Variants in AK5 observed in about 807,000 individuals in gnomAD.
The protein encoded by AK5 is adenylate kinase isoenzyme 5.
A neutral mutation model predicts 69.5 loss-of-function variants in AK5; 27 were observed. The ratio of observed to expected loss-of-function variants is 0.39; its 90% confidence interval spans 0.29 to 0.54. The LOEUF (loss-of-function observed/expected upper bound fraction) is 0.54, where lower values mean the gene tolerates loss of function less well. Among genes scored for constraint, AK5 ranks in the 20% least tolerant of loss-of-function variants. The probability of loss-of-function intolerance (pLI) is 0.71; values close to 1 mark genes in which losing one functional copy is unlikely to be tolerated. For synonymous variants in AK5, 260 were observed against 244.4 expected (o/e 1.06, Z -0.60); for missense variants, 531 against 700.4 (o/e 0.76, Z 2.73).
chr1:77,320,383 A>G (rs1404087523), intron 5 of AK5, among the ~76,000 whole-genome samples: 1 of 152,242 alleles, frequency 6.6e-6, no homozygotes, highest in African/African-American at 2.4e-5. Context: ...GTGGGTAGAA[A>G]TAAGCATACT....
At chr1:77,480,896 G>A (rs576764711) in intron 8 of AK5, among the ~76,000 whole-genome samples, 22 of 152,344 alleles carry the variant, frequency 1.4e-4, no homozygotes, top group Middle Eastern at 3.4e-3. Context: ...GAATTCTCAT[G>A]CAAGTGCATT....
intron 6 of AK5, among the ~76,000 whole-genome samples, chr1:77,343,261 A>T (rs1286883656): frequency 6.6e-6 from 1 of 152,152 alleles, no homozygotes; most frequent in African/African-American, 2.4e-5. Context: ...CTCTGCACAA[A>T]GTTCTTAAGG....
At chr1:77,303,367 A>G (rs1189895415) in intron 5 of AK5, among the ~76,000 whole-genome samples, 1 of 152,256 alleles carries the variant, frequency 6.6e-6, no homozygotes, top group Non-Finnish European at 1.5e-5. Context: ...ATTTTAAAAT[A>G]TTTGTTAAGT....
At chr1:77,527,825 C>T (rs1171339518) in intron 12 of AK5, among the ~76,000 whole-genome samples, 1 of 152,104 alleles carries the variant, frequency 6.6e-6, no homozygotes. Context: ...TTTGGGAGGC[C>T]GAGGCGGGCA....
chr1:77,356,141 G>A (rs2100424115), intron 6 of AK5, among the ~76,000 whole-genome samples: 1 of 152,030 alleles, frequency 6.6e-6, no homozygotes, highest in Non-Finnish European at 1.5e-5. Context: ...GACATTTTTT[G>A]CTTCTACACT....
At chr1:77,341,202 A>G (rs937064939) in intron 6 of AK5, among the ~76,000 whole-genome samples, 1 of 152,232 alleles carries the variant, frequency 6.6e-6, no homozygotes, top group Non-Finnish European at 1.5e-5. Flanking sequence ...CTGAATCATT[A>G]GTTTGTACAG....
intron 2 of AK5, among the ~76,000 whole-genome samples, chr1:77,289,862 C>CAAAAAAA (rs55819317): frequency 6.2e-5 from 4 of 64,700 alleles, no homozygotes; most frequent in African/African-American, 1.3e-4. Flanking sequence ...GACTCCGTCT[C>CAAAAAAA]AAAAAAAAAA....
chr1:77,291,879 A>G (rs1658707011), intron 2 of AK5, among the ~76,000 whole-genome samples: 1 of 152,236 alleles, frequency 6.6e-6, no homozygotes, highest in Non-Finnish European at 1.5e-5. Flanking sequence ...GAGACTCACT[A>G]GGAGGCTGCA....
intron 8 of AK5, among the ~76,000 whole-genome samples, chr1:77,472,996 A>G (rs958628022): frequency 2.0e-5 from 3 of 152,098 alleles, no homozygotes; most frequent in Non-Finnish European, 2.9e-5. Context: ...ATAATCCAGG[A>G]TGATCTTCCC....
chr1:77,533,528 A>C (rs1008617336), intron 12 of AK5, among the ~76,000 whole-genome samples: 6 of 151,052 alleles, frequency 4.0e-5, no homozygotes, highest in African/African-American at 1.2e-4. Context: ...AAAAAAAAAA[A>C]AAAAAAACAG....
At chr1:77,500,609 C>T (rs749426758) in intron 10 of AK5, among the ~76,000 whole-genome samples, 1 of 152,066 alleles carries the variant, frequency 6.6e-6, no homozygotes, top group Non-Finnish European at 1.5e-5. Flanking sequence ...ATGGTGAAAC[C>T]CCGTCTCTAC....
intron 8 of AK5, among the ~76,000 whole-genome samples, chr1:77,443,780 CTAATT>C (rs1398373021): frequency 6.9e-6 from 1 of 145,592 alleles, no homozygotes; most frequent in Non-Finnish European, 1.5e-5. Flanking sequence ...ATATTTTTTT[CTAATT>C]TATTTTTTAA....
At chr1:77,334,065 C>T (rs947258516) in intron 5 of AK5, among the ~76,000 whole-genome samples, 3 of 152,110 alleles carry the variant, frequency 2.0e-5, no homozygotes, top group Non-Finnish European at 4.4e-5. Context: ...TTCTTCTGGG[C>T]CAACTTTCTA....
intron 13 of AK5, 114 bp downstream of exon 13, chr1:77,536,152 T>G: frequency 2.5e-6 from 3 of 1,205,108 alleles, no homozygotes; most frequent in East Asian, 2.6e-5. Flanking sequence ...ATTAGAACTC[T>G]GTGCAGCTGC....
intron 1 of AK5, among the ~76,000 whole-genome samples, chr1:77,286,556 G>A (rs1658362689): frequency 6.6e-6 from 1 of 151,908 alleles, no homozygotes; most frequent in Admixed American, 6.6e-5. Context: ...TTTTAACAAA[G>A]GTGGGTGGGG....
intron 6 of AK5, among the ~76,000 whole-genome samples, chr1:77,391,414 TATATATGTATATATATACATATATAC>T (rs1197755835): frequency 1.5e-5 from 2 of 129,056 alleles, no homozygotes; most frequent in East Asian, 4.4e-4. Flanking sequence ...TACACACACA[TATATATGTATATATATACATATATAC>T]ATATATGTGT....
intron 10 of AK5, among the ~76,000 whole-genome samples, chr1:77,504,907 G>T (rs1656940199): frequency 6.6e-6 from 1 of 152,166 alleles, no homozygotes; most frequent in South Asian, 2.1e-4. Flanking sequence ...TTATACCTAT[G>T]ATTGTGTTGT....
intron 8 of AK5, among the ~76,000 whole-genome samples, chr1:77,426,721 A>G (rs1651234219): frequency 6.6e-6 from 1 of 152,244 alleles, no homozygotes; most frequent in African/African-American, 2.4e-5. Context: ...AATATTCACC[A>G]AGACTACATT....
intron 8 of AK5, among the ~76,000 whole-genome samples, chr1:77,472,744 A>C (rs1654597804): frequency 1.1e-5 from 1 of 94,562 alleles, no homozygotes; most frequent in Admixed American, 1.1e-4. Context: ...TTTAAAAAAG[A>C]CTGGGCGTGG....
Sources: allele counts gnomAD v4.1 joint callset (sites outside exome capture counted in the v4.1 genomes callset), GRCh38; gene constraint gnomAD v4.1.1; transcripts MANE v1.5; gene names NCBI Gene and HGNC (gene_info 2026-07-23, HGNC 2026-07-21).